TMEM117: variants seen among roughly 807,000 people sequenced by gnomAD.
TMEM117 encodes the protein transmembrane protein 117.
A neutral mutation model predicts 52.4 loss-of-function variants in TMEM117; 27 were observed. That is an observed-to-expected ratio of 0.51 (90% CI 0.38 to 0.71). The LOEUF is 0.71. Ranked by LOEUF, TMEM117 falls within the 30% of genes least tolerant of loss-of-function variation. TMEM117 has a pLI of 0.00. For synonymous variants in TMEM117, 215 were observed against 206.3 expected, an observed-to-expected ratio of 1.04 and a Z score of -0.36; for missense variants, 556 against 630.5, an observed-to-expected ratio of 0.88 and a Z score of 1.26.
At chr12:44,156,240 T>C (rs1948824082) in intron 4 of TMEM117, among the ~76,000 whole-genome samples, 1 of 152,152 alleles carries the variant, frequency 6.6e-6, no homozygotes, top group Non-Finnish European at 1.5e-5. Context: ...ACTTACTAGC[T>C]TTAGTTTCTC....
At chr12:44,294,558 A>AT (rs1412563898) in intron 5 of TMEM117, among the ~76,000 whole-genome samples, 2 of 151,768 alleles carry the variant, frequency 1.3e-5, no homozygotes, top group Non-Finnish European at 2.9e-5. Flanking sequence ...TCAGCATACC[A>AT]TTTTTTTTCT....
chr12:44,379,664 A>G (rs1951992793), intron 7 of TMEM117, among the ~76,000 whole-genome samples: 1 of 152,158 alleles, frequency 6.6e-6, no homozygotes, highest in Non-Finnish European at 1.5e-5. Context: ...TTGTAAGACA[A>G]TTGTTTCTGT....
At position 44,174,920 on chromosome 12, in the gene TMEM117, C is replaced by T. The variant is rs17094173; in HGVS notation, c.510+31296C>T. Among the ~76,000 whole-genome samples the T allele has an allele frequency of 2.0e-3, 311 of 152,160 alleles. 7 individuals carry two copies. In the East Asian group the frequency reaches 0.035, roughly 17 times the overall value. On this transcript the variant is annotated intron_variant, in intron 4 of 7. Transcript: ENST00000266534. ...TGAAGAGAGGCAGTGGCAACGGGCA[C>T]GGAGTCTCCTGGAGAAGGATCAGAG...
chr12:44,366,439 T>C (rs1951790481), intron 6 of TMEM117, among the ~76,000 whole-genome samples: 1 of 152,098 alleles, frequency 6.6e-6, no homozygotes, highest in African/African-American at 2.4e-5. Context: ...TCAGAAAATT[T>C]TTCAATTCAC....
the TMEM117 span, chr12:43,800,673 C>T: frequency 3.2e-5 from 19 of 594,046 alleles, no homozygotes; most frequent in Admixed American, 9.3e-5. Flanking sequence ...TGCTAAAATA[C>T]GTGTGTACAA....
chr12:44,178,551 T>C (rs970416711), intron 4 of TMEM117, among the ~76,000 whole-genome samples: 16 of 152,214 alleles, frequency 1.1e-4, no homozygotes, highest in Non-Finnish European at 7.3e-5. Flanking sequence ...TAGGTGGGCA[T>C]CATTTCATTA....
intron 5 of TMEM117, among the ~76,000 whole-genome samples, chr12:44,277,610 G>T (rs1950529798): frequency 6.6e-6 from 1 of 151,856 alleles, no homozygotes; most frequent in Non-Finnish European, 1.5e-5. Flanking sequence ...TAGAACTGAA[G>T]TCCCCATTTT....
intron 2 of TMEM117, among the ~76,000 whole-genome samples, chr12:43,859,585 AG>A (rs34766196): frequency 0.31 from 46,772 of 152,052 alleles, 9,195 homozygotes; most frequent in Non-Finnish European, 0.44. Context: ...ACAGTATCAT[AG>A]GAAAATGCAT....
chr12:43,999,348 A>C (rs1946080636), intron 3 of TMEM117, among the ~76,000 whole-genome samples: 1 of 152,246 alleles, frequency 6.6e-6, no homozygotes, highest in African/African-American at 2.4e-5. Context: ...CCATGAGGCT[A>C]AGTGCTATGT....
chr12:43,901,101 AT>A (rs1316248190), intron 2 of TMEM117, among the ~76,000 whole-genome samples: 2 of 152,128 alleles, frequency 1.3e-5, no homozygotes, highest in African/African-American at 4.8e-5. Flanking sequence ...TAAATGTCTA[AT>A]TTTTTTGGAA....
intron 2 of TMEM117, among the ~76,000 whole-genome samples, chr12:43,895,360 G>T (rs1389411550): frequency 6.6e-6 from 1 of 152,044 alleles, no homozygotes; most frequent in Non-Finnish European, 1.5e-5. Flanking sequence ...AGTGTTCTGT[G>T]GTGTATATGT....
At chr12:44,135,589 G>A (rs377370428) in intron 3 of TMEM117, among the ~76,000 whole-genome samples, 1 of 152,008 alleles carries the variant, frequency 6.6e-6, no homozygotes, top group East Asian at 1.9e-4. Context: ...ACAGGGAAGA[G>A]AAAAAGAGGT....
At chr12:44,049,427 G>T (rs1033666292) in intron 3 of TMEM117, among the ~76,000 whole-genome samples, 1 of 151,962 alleles carries the variant, frequency 6.6e-6, no homozygotes, top group African/African-American at 2.4e-5. Context: ...GTGGTGGGGG[G>T]CGAGGGGAAG....
the TMEM117 span, among the ~76,000 whole-genome samples, chr12:43,817,742 T>A: frequency 1.3e-5 from 2 of 152,346 alleles, no homozygotes; most frequent in East Asian, 3.9e-4. Flanking sequence ...AAAAATACAC[T>A]TCTTTTCTAA....
At chr12:44,080,738 T>C (rs577675015) in intron 3 of TMEM117, among the ~76,000 whole-genome samples, 2 of 152,326 alleles carry the variant, frequency 1.3e-5, no homozygotes, top group South Asian at 4.1e-4. Context: ...GAAGATGATA[T>C]AAAATGTAAA....
At chr12:44,044,100 A>T (rs1187430172) in intron 3 of TMEM117, among the ~76,000 whole-genome samples, 1 of 152,178 alleles carries the variant, frequency 6.6e-6, no homozygotes, top group East Asian at 1.9e-4. Context: ...CTTTAAACGT[A>T]CTCATCCCAG....
At chr12:44,236,208 C>T (rs576664040) in intron 5 of TMEM117, among the ~76,000 whole-genome samples, 139 of 150,230 alleles carry the variant, frequency 9.3e-4, no homozygotes, top group African/African-American at 3.1e-3. Context: ...AGAGAGAGAG[C>T]GCCATTGTGC....
chr12:44,042,761 T>TAC (rs61350418), intron 3 of TMEM117, among the ~76,000 whole-genome samples: 7,692 of 132,048 alleles, frequency 0.058, 218 homozygotes, highest in African/African-American at 0.063. Context: ...CTTAATAAAC[T>TAC]ACACACACAC....
At chr12:44,362,879 G>C (rs191265677) in intron 6 of TMEM117, among the ~76,000 whole-genome samples, 2 of 149,700 alleles carry the variant, frequency 1.3e-5, no homozygotes, top group East Asian at 3.9e-4. Flanking sequence ...TTGAGATGGA[G>C]TCTCCCTCTG....
Sources: gnomAD v4.1 joint callset for allele counts (sites outside exome capture counted in the v4.1 genomes callset) on GRCh38, gnomAD v4.1.1 for gene constraint, MANE v1.5 for transcripts, NCBI Gene and HGNC (gene_info 2026-07-23, HGNC 2026-07-21) for gene names.